The following LRP2 variants were observed in gnomAD, a reference collection of about 807,000 sequenced individuals.
The protein encoded by LRP2 is low-density lipoprotein receptor-related protein 2.
In LRP2, 172 loss-of-function variants were observed where a neutral mutation model predicts 531.0. That is an observed-to-expected ratio of 0.32 (90% CI 0.29 to 0.37). The LOEUF (loss-of-function observed/expected upper bound fraction) is 0.37, where lower values mean the gene tolerates loss of function less well. Ranked by LOEUF, LRP2 falls within the 10% of genes least tolerant of loss-of-function variation. LRP2 has a pLI of 1.00. For synonymous variants in LRP2, 1,992 were observed against 2,027.6 expected, an observed-to-expected ratio of 0.98 and a Z score of 0.47; for missense variants, 5,167 against 5,868.3, an observed-to-expected ratio of 0.88 and a Z score of 3.90.
intron 6 of LRP2, among the ~76,000 whole-genome samples, chr2:169,293,448 G>A (rs1486394501): frequency 3.9e-5 from 6 of 152,146 alleles, no homozygotes; most frequent in Non-Finnish European, 7.3e-5. Context: ...GGCCGAGGCG[G>A]GCGGATCACT....
chr2:169,205,730 TGCCAGTAACATG>T, intron 40 of LRP2, 93 bp from the exon 41 acceptor site: 1 of 1,279,376 alleles, frequency 7.8e-7, no homozygotes, highest in South Asian at 1.2e-5. Context: ...AATTGCAAAT[TGCCAGTAACATG>T]GCAAAAGAAA....
At chr2:169,285,599 A>G (rs1216357226) in intron 9 of LRP2, among the ~76,000 whole-genome samples, 1 of 152,078 alleles carries the variant, frequency 6.6e-6, no homozygotes, top group East Asian at 1.9e-4. Context: ...AAATGACTCA[A>G]AAACCCCTTT....
chr2:169,283,144 T>G, intron 9 of LRP2, 143 bp from the exon 10 acceptor site: 3 of 777,960 alleles, frequency 3.9e-6, no homozygotes, highest in East Asian at 2.5e-5. Flanking sequence ...GCACAGGTTC[T>G]GAGAATTTAT....
In LRP2 at chr2:169,145,846, G is replaced by A; in HGVS notation, c.12889C>T (p.Gln4297Ter). 1 of 1,613,978 alleles carries A rather than the reference G, an allele frequency of 6.2e-7. No homozygotes were observed. Among genetic ancestry groups the A allele is most frequent in the Non-Finnish European group, 8.5e-7 (1 of 1,179,922 alleles). Reference protein sequence around the residue: ...ISKEKGEVWKQNKFGQGKKEK... With the variant: ...ISKEKGEVWK ...TTCTTTCCTTGCCCAAATTTATTTTGTTTCCATACTTCTCCCTTTTCCTTA... is the reference window on the plus strand; with the variant it reads ...TTCTTTCCTTGCCCAAATTTATTTTATTTCCATACTTCTCCCTTTTCCTTA... Residue 4297 changes from glutamine (Q) to a stop codon, truncating the protein, a stop_gained, in exon 70 of 79, where the codon CAA (glutamine) becomes TAA (stop). Coordinates refer to ENST00000649046, the MANE Select transcript of LRP2 (RefSeq NM_004525.3). LOFTEE classifies it high-confidence loss of function.
At chr2:169,301,232 A>G (rs1419051761) in intron 4 of LRP2, among the ~76,000 whole-genome samples, 1 of 152,150 alleles carries the variant, frequency 6.6e-6, no homozygotes, top group African/African-American at 2.4e-5. Flanking sequence ...TTAACAGAAA[A>G]AAACTGTACT....
chr2:169,362,454 G>A lies in LRP2; in HGVS notation c.-55C>T. 3 of 1,434,338 alleles carry A rather than the reference G, an allele frequency of 2.1e-6. No individual in the cohort carries two copies. Among genetic ancestry groups the A allele is most frequent in the Non-Finnish European group, 2.9e-6 (3 of 1,050,454 alleles). The allele number at this position is 1,434,338 out of a possible 1,614,324, so 88.9% of individuals were successfully genotyped here. ...CTTCCCCGGGAGGTGGGCGCGCGTA[G>A]CACACCGCACCGGCAGCGCCTCTGC... On this transcript the variant is annotated 5_prime_UTR_variant, in exon 1 of 79. Coordinates refer to ENST00000649046, the MANE Select transcript of LRP2 (RefSeq NM_004525.3).
chr2:169,346,461 A>G (rs1685699603), intron 1 of LRP2, among the ~76,000 whole-genome samples: 1 of 152,222 alleles, frequency 6.6e-6, no homozygotes, highest in African/African-American at 2.4e-5. Context: ...GTACATAAAA[A>G]CCAATCATTT....
At chr2:169,297,153 G>A (rs1684152963) in intron 4 of LRP2, among the ~76,000 whole-genome samples, 1 of 152,118 alleles carries the variant, frequency 6.6e-6, no homozygotes, top group African/African-American at 2.4e-5. Flanking sequence ...GAGACAACAG[G>A]TCCAAACTGT....
Position 169,177,921 on chromosome 2 carries a change from C to G in LRP2, c.10275G>C (p.Trp3425Cys), listed in dbSNP as rs1342281694. The change falls in exon 53 of 79, where the codon TGG becomes TGC. Residue 3425 changes from tryptophan to cysteine, a missense_variant. Physicochemically the swap from Trp to Cys is radical, Grantham distance 215. This residue lies in a region of LRP2 where 1,129 missense variants were observed against 1,362.7 expected (regional missense o/e 0.83). Coordinates refer to ENST00000649046, the MANE Select transcript of LRP2 (RefSeq NM_004525.3). ...IFEDTIYWTD[W>C]NTRTVEKGNK... ...TTCCCTTTTCCACTGTCCTTGTATTCCAATCTGTCCAATAAATAGTGTCTT... is the reference window on the plus strand; with the variant it reads ...TTCCCTTTTCCACTGTCCTTGTATTGCAATCTGTCCAATAAATAGTGTCTT... 1 of 1,614,028 alleles carries G rather than the reference C, an allele frequency of 6.2e-7. No homozygotes were observed. Among genetic ancestry groups the G allele is most frequent in the African/African-American group, 1.3e-5 (1 of 74,914 alleles).
At position 169,139,271 on chromosome 2, in the gene LRP2, A is replaced by T. The variant is rs1380055163; in HGVS notation, c.13368T>A (p.Pro4456=). The T allele has an allele frequency of 6.2e-7, 1 of 1,614,072 alleles. No homozygotes were observed. Among genetic ancestry groups the T allele is most frequent in the Non-Finnish European group, 8.5e-7 (1 of 1,180,024 alleles). Residue 4456 remains proline, a synonymous_variant, in exon 74 of 79, where the codon CCT becomes CCA. Coordinates refer to ENST00000649046, the MANE Select transcript of LRP2 (RefSeq NM_004525.3). ...CTGACCTTGGCAGCTTGGGCAGAGCAGGCAAAAGGGAGCCGGTCCTTCTAT... is the reference window on the plus strand; with the variant it reads ...CTGACCTTGGCAGCTTGGGCAGAGCTGGCAAAAGGGAGCCGGTCCTTCTAT... ...FHYRRTGSLL[P]ALPKLPSLSS...
chr2:169,137,544 A>G (rs1685560197), intron 75 of LRP2, 51 bp from the exon 76 acceptor site: 2 of 1,156,756 alleles, frequency 1.7e-6, no homozygotes, highest in African/African-American at 3.1e-5. Flanking sequence ...AAACAGAGAG[A>G]GAGATTACAC....
intron 41 of LRP2, among the ~76,000 whole-genome samples, chr2:169,205,030 A>T (rs1023035164): frequency 4.7e-5 from 7 of 147,536 alleles, no homozygotes; most frequent in African/African-American, 1.9e-4. Context: ...TGAAGAAAAG[A>T]ATTTTCTTTT....
rs551928898 is a variant in LRP2 at position 169,277,273 on chromosome 2, T to C, written c.1772+472A>G. ...AGTATCTTTGTATACCAGGTAAAAA[T>C]ACAATACAAAGAATTTCTCCTTGAA... On this transcript the variant is annotated intron_variant, in intron 13 of 78. Coordinates refer to ENST00000649046, the MANE Select transcript of LRP2 (RefSeq NM_004525.3). 5.8e-4 allele frequency among the ~76,000 whole-genome samples: 87 copies of C among 150,272 alleles called. 1 individual carries two copies. Among genetic ancestry groups the C allele is most frequent in the Non-Finnish European group, 5.5e-4 (37 of 67,726 alleles).
chr2:169,201,043 A>G (rs1688187242), intron 44 of LRP2, among the ~76,000 whole-genome samples: 1 of 152,230 alleles, frequency 6.6e-6, no homozygotes, highest in Non-Finnish European at 1.5e-5. Context: ...CTAGGTCTAC[A>G]TACCAGTTCA....
intron 21 of LRP2, 71 bp downstream of exon 21, chr2:169,246,634 T>A: frequency 6.4e-7 from 1 of 1,552,176 alleles, no homozygotes; most frequent in Non-Finnish European, 8.9e-7. Flanking sequence ...CCCAAGCTTT[T>A]ATTTATTTTC....
intron 62 of LRP2, among the ~76,000 whole-genome samples, chr2:169,165,429 C>A (rs1333461853): frequency 6.6e-6 from 1 of 152,200 alleles, no homozygotes; most frequent in African/African-American, 2.4e-5. Context: ...TCACTTTTCT[C>A]TTCTGGGAAA....
chr2:169,303,156 C>G (rs1341763467), intron 4 of LRP2, among the ~76,000 whole-genome samples: 1 of 151,952 alleles, frequency 6.6e-6, no homozygotes, highest in African/African-American at 2.4e-5. Context: ...CAAAGGGGTT[C>G]ACTATACACT....
chr2:169,257,823 AAC>A (rs767604050), intron 17 of LRP2, among the ~76,000 whole-genome samples: 10 of 114,074 alleles, frequency 8.8e-5, no homozygotes, highest in South Asian at 8.6e-4. Context: ...AAAAAACAAA[AAC>A]AAAAAAAAAA....
Position 169,138,001 on chromosome 2 carries a change from C to A in LRP2, c.13519-508G>T, listed in dbSNP as rs369236292. On this transcript the variant is annotated intron_variant, in intron 75 of 78. Coordinates refer to ENST00000649046, the MANE Select transcript of LRP2 (RefSeq NM_004525.3). ...CCTCAGTGCCAAGACTGTGGCAGCC[C>A]CCTCATAAAGTATTTCATTTGGTCC... 3.4e-4 allele frequency among the ~76,000 whole-genome samples: 52 copies of A among 152,212 alleles called. 1 individual carries two copies. In the South Asian group the frequency reaches 0.011, roughly 32 times the overall value.
Sources: allele counts gnomAD v4.1 joint callset (sites outside exome capture counted in the v4.1 genomes callset), GRCh38; gene constraint gnomAD v4.1.1; regional missense constraint gnomAD v4.1.1; transcripts MANE v1.5; gene names NCBI Gene and HGNC (gene_info 2026-07-23, HGNC 2026-07-21).